The following CADPS2 variants were observed in gnomAD, a reference collection of about 807,000 sequenced individuals.
The protein encoded by CADPS2 is calcium dependent secretion activator 2.
CADPS2 carries 93 observed loss-of-function variants against 172.5 expected under a neutral mutation model. The ratio of observed to expected loss-of-function variants is 0.54; its 90% confidence interval spans 0.46 to 0.64. The LOEUF is 0.64. Ranked by LOEUF, CADPS2 falls within the 30% of genes least tolerant of loss-of-function variation. The pLI is 0.00. For synonymous variants in CADPS2, 546 were observed against 555.2 expected, an observed-to-expected ratio of 0.98 and a Z score of 0.23; for missense variants, 1,420 against 1,565.9, an observed-to-expected ratio of 0.91 and a Z score of 1.57.
chr7:122,507,192 C>T lies in CADPS2; in HGVS notation c.1542+6057G>A, dbSNP rs905708515. On this transcript the variant is annotated intron_variant, in intron 9 of 29. Coordinates refer to ENST00000449022, the MANE Select transcript of CADPS2 (RefSeq NM_017954.11). ...ATGAGTTGAGGGGTACTTCAGGTCG[C>T]CTGGGTGGAAAAGGCACATTCGAAA... Among the ~76,000 whole-genome samples the T allele has an allele frequency of 6.6e-5, 10 of 151,902 alleles. No homozygotes were observed. In the South Asian group the frequency reaches 8.3e-4, roughly 13 times the overall value.
intron 3 of CADPS2, among the ~76,000 whole-genome samples, chr7:122,637,851 T>A (rs1006608491): frequency 6.6e-6 from 1 of 152,208 alleles, no homozygotes; most frequent in Admixed American, 6.5e-5. Flanking sequence ...TCTGGGTGCT[T>A]GCAGAGAGCC....
intron 6 of CADPS2, among the ~76,000 whole-genome samples, chr7:122,594,837 A>C (rs2071495155): frequency 6.6e-6 from 1 of 151,834 alleles, no homozygotes; most frequent in Admixed American, 6.6e-5. Flanking sequence ...AATAATGTAC[A>C]AAAAAGCACA....
intron 18 of CADPS2, among the ~76,000 whole-genome samples, chr7:122,415,283 C>T (rs2047747683): frequency 6.6e-6 from 1 of 152,104 alleles, no homozygotes; most frequent in African/African-American, 2.4e-5. Flanking sequence ...AAATTTTCCC[C>T]TTCCACGTTA....
intron 1 of CADPS2, among the ~76,000 whole-genome samples, chr7:122,807,884 T>C (rs1179701248): frequency 1.3e-5 from 2 of 152,206 alleles, no homozygotes; most frequent in East Asian, 1.9e-4. Context: ...TAATCACCTC[T>C]GTAAAGACCT....
At position 122,407,568 on chromosome 7, in the gene CADPS2, T is replaced by C. The variant is rs1238430075; in HGVS notation, c.2718A>G (p.Gln906=). The change falls in exon 20 of 30, where the codon CAA becomes CAG. Residue 906 remains glutamine (Q), a synonymous_variant. Transcript: ENST00000449022. ...QDSWDSFPLF[Q]LLNNFLRNDT... is the part of the protein sequence containing the mutation. The stretch of plus-strand genomic sequence containing the variant: ...CATTTCGGAGGAAATTATTAAGCAG[T>C]TGGAAAAGAGGAAAACTATCCCAGG... The C allele has an allele frequency of 1.9e-6, 3 of 1,612,168 alleles. No homozygotes were observed. The highest frequency in any genetic ancestry group is 1.3e-5 in the African/African-American group (1 of 74,888).
intron 3 of CADPS2, among the ~76,000 whole-genome samples, chr7:122,645,225 CGCTAAGTATATATAT>C (rs2078178915): frequency 3.9e-5 from 2 of 51,212 alleles, no homozygotes; most frequent in Non-Finnish European, 7.3e-5. Flanking sequence ...TATATATATA[CGCTAAGTATATATAT>C]ACACACATGT....
At chr7:122,864,664 C>T in intron 1 of CADPS2, among the ~76,000 whole-genome samples, 1 of 151,844 alleles carries the variant, frequency 6.6e-6, no homozygotes. Context: ...AATGTCTATA[C>T]CTAAAGGAAC....
At chr7:122,487,325 A>G (rs150675704) in intron 11 of CADPS2, among the ~76,000 whole-genome samples, 113 of 152,216 alleles carry the variant, frequency 7.4e-4, no homozygotes, top group African/African-American at 2.1e-3. Flanking sequence ...TAACTTTTAT[A>G]CACACTGGGA....
At chr7:122,835,464 C>T (rs1382486933) in intron 1 of CADPS2, among the ~76,000 whole-genome samples, 2 of 152,168 alleles carry the variant, frequency 1.3e-5, no homozygotes, top group African/African-American at 4.8e-5. Context: ...GAGAAGAAGG[C>T]TTCAGATAAT....
chr7:122,449,070 G>A (rs569076604), intron 15 of CADPS2, among the ~76,000 whole-genome samples: 6 of 152,312 alleles, frequency 3.9e-5, no homozygotes, highest in Admixed American at 3.9e-4. Flanking sequence ...TTGCCTGCTC[G>A]AGACCTGCAG....
At chr7:122,631,788 T>A (rs756944461) in intron 3 of CADPS2, among the ~76,000 whole-genome samples, 9 of 152,158 alleles carry the variant, frequency 5.9e-5, no homozygotes, top group Middle Eastern at 3.4e-3. Context: ...GGGATATGGA[T>A]GGTCCCATCA....
At chr7:122,323,217 G>A (rs927033802) in intron 29 of CADPS2, among the ~76,000 whole-genome samples, 2 of 152,084 alleles carry the variant, frequency 1.3e-5, no homozygotes, top group African/African-American at 4.8e-5. Flanking sequence ...ATTAAATAGA[G>A]CCCTATGACT....
chr7:122,825,139 G>T (rs1288544230), intron 1 of CADPS2, among the ~76,000 whole-genome samples: 2 of 152,202 alleles, frequency 1.3e-5, no homozygotes, highest in Non-Finnish European at 2.9e-5. Flanking sequence ...GAGGGAGGTT[G>T]TCTAGCCCTA....
intron 7 of CADPS2, among the ~76,000 whole-genome samples, chr7:122,560,251 T>C (rs2065577478): frequency 6.6e-6 from 1 of 151,998 alleles, no homozygotes; most frequent in African/African-American, 2.4e-5. Context: ...TTGAAGGAGA[T>C]ACAAGAAGGT....
At chr7:122,524,439 A>G (rs1325233609) in intron 8 of CADPS2, among the ~76,000 whole-genome samples, 5 of 152,186 alleles carry the variant, frequency 3.3e-5, no homozygotes, top group African/African-American at 1.2e-4. Context: ...TTAAGATGAC[A>G]GTTTGAGATA....
intron 1 of CADPS2, among the ~76,000 whole-genome samples, chr7:122,835,609 A>G (rs1168470307): frequency 1.3e-5 from 2 of 152,202 alleles, no homozygotes; most frequent in Non-Finnish European, 2.9e-5. Flanking sequence ...GGAACTGAAA[A>G]CCATGGCATG....
intron 1 of CADPS2, among the ~76,000 whole-genome samples, chr7:122,841,321 C>T (rs1031296230): frequency 2.0e-5 from 3 of 151,852 alleles, no homozygotes; most frequent in Admixed American, 6.6e-5. Context: ...TGTATTATCA[C>T]GAATTTAGAA....
chr7:122,478,948 A>G (rs1442297602), intron 12 of CADPS2, among the ~76,000 whole-genome samples: 1 of 152,156 alleles, frequency 6.6e-6, no homozygotes, highest in Non-Finnish European at 1.5e-5. Flanking sequence ...AAAAATATAT[A>G]TATTAAAAAT....
Position 122,581,256 on chromosome 7 carries a change from G to A in CADPS2, c.1258C>T (p.Pro420Ser), listed in dbSNP as rs2068768218. The change falls in exon 7 of 30, where the codon CCT becomes TCT. Residue 420 changes from proline (P) to serine (S), a missense_variant. Pro to Ser is a moderately conservative substitution (Grantham distance 74). Transcript: ENST00000449022. ...AGTTTCACTTTGACCACAGGCCGAG[G>A]ATGGGTGGTGGTGAAATCTCCTTGA... ...GTQGDFTTTH[P>S]RPVVKVKLFT... 3 of 1,613,154 alleles carry A rather than the reference G, an allele frequency of 1.9e-6. No homozygotes were observed. Among genetic ancestry groups the A allele is most frequent in the Non-Finnish European group, 1.7e-6 (2 of 1,179,374 alleles).
Sources: gnomAD v4.1 joint callset for allele counts (sites outside exome capture counted in the v4.1 genomes callset) on GRCh38, gnomAD v4.1.1 for gene constraint, MANE v1.5 for transcripts, NCBI Gene and HGNC (gene_info 2026-07-23, HGNC 2026-07-21) for gene names.